The following GPR158 variants were observed in gnomAD, a reference collection of about 807,000 sequenced individuals.
GPR158 encodes the protein G protein-coupled receptor 158, also known as metabotropic glycine receptor.
GPR158 carries 30 observed loss-of-function variants against 78.2 expected under a neutral mutation model. The ratio of observed to expected loss-of-function variants is 0.38; its 90% CI spans 0.29 to 0.52. The LOEUF (loss-of-function observed/expected upper bound fraction) is 0.52, where lower values mean the gene tolerates loss of function less well. GPR158 is among the 20% of genes least tolerant of loss of function. The pLI is 0.83. For missense variants in GPR158, 1,463 were observed against 1,523.5 expected, an observed-to-expected ratio of 0.96 and a Z score of 0.66; for synonymous variants, 581 against 591.1, an observed-to-expected ratio of 0.98 and a Z score of 0.25.
chr10:25,459,952 C>A (rs1835335874), intron 4 of GPR158, among the ~76,000 whole-genome samples: 1 of 152,166 alleles, frequency 6.6e-6, no homozygotes, highest in Non-Finnish European at 1.5e-5. Flanking sequence ...ATACTCACCT[C>A]TATTGTAAAC....
At position 25,495,677 on chromosome 10, in the gene GPR158, C is replaced by T. The variant is rs145694549; in HGVS notation, c.1404+28958C>T. 3.9e-5 allele frequency among the ~76,000 whole-genome samples: 6 copies of T among 152,018 alleles called. No individual in the cohort carries two copies. The East Asian group carries it at 1.2e-3, about 29-fold the overall frequency. On this transcript the variant is annotated intron_variant, in intron 5 of 10. Coordinates refer to ENST00000376351, the MANE Select transcript of GPR158 (RefSeq NM_020752.3). ...ATGATGATGAGTGGTATGTTGTCGG[C>T]GCATTTCCTCTTAAGTGTTTCTATG... is the stretch of plus-strand genomic sequence containing the variant.
intron 2 of GPR158, among the ~76,000 whole-genome samples, chr10:25,237,058 C>T (rs973429368): frequency 3.3e-5 from 5 of 152,114 alleles, no homozygotes; most frequent in African/African-American, 9.7e-5. Context: ...CCGGAGTGAT[C>T]GATTGCTAAT....
intron 7 of GPR158, among the ~76,000 whole-genome samples, chr10:25,585,583 G>C (rs1387342504): frequency 6.6e-6 from 1 of 152,226 alleles, no homozygotes; most frequent in Non-Finnish European, 1.5e-5. Context: ...ACTTCAACTG[G>C]ACATTGAAAC....
chr10:25,396,307 G>C (rs1326348821), intron 3 of GPR158, among the ~76,000 whole-genome samples: 1 of 152,150 alleles, frequency 6.6e-6, no homozygotes, highest in Non-Finnish European at 1.5e-5. Context: ...GAAAGATGCT[G>C]CTACAGAAAG....
At chr10:25,521,164 A>T (rs1836266592) in intron 5 of GPR158, among the ~76,000 whole-genome samples, 1 of 152,232 alleles carries the variant, frequency 6.6e-6, no homozygotes, top group African/African-American at 2.4e-5. Context: ...TGACTCGGAA[A>T]GGAAACTCCC....
intron 2 of GPR158, among the ~76,000 whole-genome samples, chr10:25,306,569 A>T (rs534124503): frequency 1.3e-5 from 2 of 152,332 alleles, no homozygotes; most frequent in African/African-American, 4.8e-5. Context: ...ATGTATGTAT[A>T]TGCACATGCA....
intron 5 of GPR158, among the ~76,000 whole-genome samples, chr10:25,526,358 G>C (rs74124059): frequency 6.6e-6 from 1 of 152,132 alleles, no homozygotes; most frequent in African/African-American, 2.4e-5. Context: ...TATGTAGTGT[G>C]TGAAGACTAG....
intron 5 of GPR158, among the ~76,000 whole-genome samples, chr10:25,536,229 G>T (rs186979313): frequency 3.3e-4 from 50 of 151,992 alleles, no homozygotes; most frequent in African/African-American, 1.2e-3. Flanking sequence ...TAATATTAAA[G>T]ATATTAATTT....
At chr10:25,370,459 T>G (rs1349064210) in intron 2 of GPR158, among the ~76,000 whole-genome samples, 2 of 67,482 alleles carry the variant, frequency 3.0e-5, no homozygotes, top group Non-Finnish European at 7.3e-5. Flanking sequence ...TTGTTCAGTT[T>G]CCATGTAGTT....
At chr10:25,356,404 T>G (rs1383086495) in intron 2 of GPR158, among the ~76,000 whole-genome samples, 2 of 152,132 alleles carry the variant, frequency 1.3e-5, no homozygotes, top group African/African-American at 4.8e-5. Flanking sequence ...GACTTTTTTT[T>G]GTTGACTTAT....
chr10:25,276,947 ATTTTTTTTT>A (rs750990710), intron 2 of GPR158, among the ~76,000 whole-genome samples: 1 of 139,350 alleles, frequency 7.2e-6, no homozygotes, highest in Non-Finnish European at 1.6e-5. Flanking sequence ...GCATCCAACT[ATTTTTTTTT>A]TTTTTTTATA....
At position 25,485,878 on chromosome 10, in the gene GPR158, A is replaced by G. The variant is rs188304894; in HGVS notation, c.1404+19159A>G. Reference sequence around the variant, plus strand: ...TGTTGAAAACCTAACCCCCAAGATCATGCTACTACAAGGTAAGCCTTTGGA... The same window carrying G: ...TGTTGAAAACCTAACCCCCAAGATCGTGCTACTACAAGGTAAGCCTTTGGA... On this transcript the variant is annotated intron_variant, in intron 5 of 10. Coordinates refer to ENST00000376351, the MANE Select transcript of GPR158 (RefSeq NM_020752.3). Among the ~76,000 whole-genome samples, 23 of 152,252 alleles carry G rather than the reference A, an allele frequency of 1.5e-4. No homozygotes were observed. In the South Asian group the frequency reaches 2.7e-3, roughly 18 times the overall value.
At chr10:25,276,986 G>A (rs1854192802) in intron 2 of GPR158, among the ~76,000 whole-genome samples, 1 of 148,826 alleles carries the variant, frequency 6.7e-6, no homozygotes, top group Non-Finnish European at 1.5e-5. Flanking sequence ...GTCTCACTCT[G>A]TCGCCCAGGC....
intron 1 of GPR158, among the ~76,000 whole-genome samples, chr10:25,203,645 T>G (rs1195387196): frequency 6.9e-6 from 1 of 145,310 alleles, no homozygotes; most frequent in Non-Finnish European, 1.5e-5. Context: ...CATGCTGTTT[T>G]TGGTTACTGT....
Position 25,599,275 on chromosome 10 carries a change from C to CA in GPR158, c.*2dup, listed in dbSNP as rs1837460240. 6.3e-7 allele frequency: 1 copy of CA among 1,598,170 alleles called. No individual in the cohort carries two copies. The highest frequency in any genetic ancestry group is 8.5e-7 in the Non-Finnish European group (1 of 1,171,508). ...GATCTGGGATAGTTTTAAAGTGTAG[C>CA]ATCTCCAGGAAGAAGAGGAAAAGGA... On this transcript the variant is annotated 3_prime_UTR_variant, in exon 11 of 11. Transcript: ENST00000376351.
intron 3 of GPR158, among the ~76,000 whole-genome samples, chr10:25,406,939 T>A (rs1441652075): frequency 6.6e-6 from 1 of 152,156 alleles, no homozygotes; most frequent in East Asian, 1.9e-4. Flanking sequence ...CAAAACAATG[T>A]AGGTAAGGAA....
chr10:25,585,568 A>G (rs918679627), intron 7 of GPR158, among the ~76,000 whole-genome samples: 1 of 152,252 alleles, frequency 6.6e-6, no homozygotes. Context: ...TGTGATAGAA[A>G]TAGGACTTCA....
chr10:25,580,681 C>T (rs1837179188), intron 7 of GPR158, among the ~76,000 whole-genome samples: 2 of 152,048 alleles, frequency 1.3e-5, no homozygotes, highest in South Asian at 4.2e-4. Context: ...TGTCATATGC[C>T]TTAATGCACA....
At chr10:25,338,489 TA>T (rs1282335159) in intron 2 of GPR158, among the ~76,000 whole-genome samples, 1 of 132,840 alleles carries the variant, frequency 7.5e-6, no homozygotes, top group Admixed American at 7.4e-5. Context: ...AATATACGTA[TA>T]ATATACGTAT....
Sources: allele counts gnomAD v4.1 joint callset (sites outside exome capture counted in the v4.1 genomes callset), GRCh38; gene constraint gnomAD v4.1.1; transcripts MANE v1.5; gene names NCBI Gene and HGNC (gene_info 2026-07-23, HGNC 2026-07-21).